The following UGT1A5 variants were observed in gnomAD, a reference collection of about 807,000 sequenced individuals.
UGT1A5 encodes the protein UDP-glucuronosyltransferase 1A5.
A neutral mutation model predicts 40.3 loss-of-function variants in UGT1A5; 29 were observed. The ratio of observed to expected loss-of-function variants is 0.72; its 90% CI spans 0.54 to 0.98. The LOEUF (loss-of-function observed/expected upper bound fraction) is 0.98. Ranked by LOEUF, UGT1A5 falls within the 50% of genes least tolerant of loss-of-function variation. The pLI is 0.00. For missense variants in UGT1A5, 678 were observed against 677.9 expected (o/e 1.00, Z 0.00); for synonymous variants, 257 against 262.5 (o/e 0.98, Z 0.20).
chr2:233,719,356 A>C, intron 1 of UGT1A5: 1 of 1,613,848 alleles, frequency 6.2e-7, no homozygotes, highest in Non-Finnish European at 8.5e-7. Context: ...ATTCCATGTG[A>C]CTTAGACTTT....
chr2:233,714,820 C>T (rs543886758), intron 1 of UGT1A5, among the ~76,000 whole-genome samples: 1 of 152,254 alleles, frequency 6.6e-6, no homozygotes, highest in Admixed American at 6.5e-5. Context: ...TAGTTAGTGA[C>T]AACAATATGG....
In UGT1A5 at chr2:233,713,741, C is replaced by T. The variant is rs1224513754; in HGVS notation, c.750C>T (p.Ser250=). The T allele has an allele frequency of 9.9e-6, 16 of 1,613,814 alleles. No homozygotes were observed. The highest frequency in any genetic ancestry group is 1.3e-5 in the African/African-American group (1 of 74,882). Residue 250 remains serine, a synonymous_variant, in exon 1 of 5, where the codon AGC becomes AGT. Transcript: ENST00000373414. Reference sequence around the variant, plus strand: ...AGGTGTCAGTGGTGGATCTTGTCAGCCATGCATCTGTGTGGCTGTTCCGAG... The same window carrying T: ...AGGTGTCAGTGGTGGATCTTGTCAGTCATGCATCTGTGTGGCTGTTCCGAG... ...QREVSVVDLV[S]HASVWLFRGD...
intron 1 of UGT1A5, among the ~76,000 whole-genome samples, chr2:233,739,818 A>T (rs1185619139): frequency 6.6e-6 from 1 of 151,978 alleles, no homozygotes; most frequent in Non-Finnish European, 1.5e-5. Context: ...ATTGGTTTTT[A>T]AATGTGAAAA....
At chr2:233,764,092 C>T (rs973147823) in intron 1 of UGT1A5, among the ~76,000 whole-genome samples, 2 of 152,148 alleles carry the variant, frequency 1.3e-5, no homozygotes, top group African/African-American at 4.8e-5. Context: ...AAAGCCTAAA[C>T]TAAAAATACA....
intron 1 of UGT1A5, among the ~76,000 whole-genome samples, chr2:233,738,050 G>C (rs1314850811): frequency 6.6e-6 from 1 of 152,082 alleles, no homozygotes; most frequent in Non-Finnish European, 1.5e-5. Flanking sequence ...TTGAGGACAG[G>C]ACATGGTGGG....
intron 1 of UGT1A5, among the ~76,000 whole-genome samples, chr2:233,724,038 C>T (rs2077157253): frequency 1.1e-5 from 1 of 87,686 alleles, no homozygotes. Flanking sequence ...TCTCAATGAG[C>T]TGTTGGGCAC....
chr2:233,718,006 C>A (rs2076621549), intron 1 of UGT1A5: 2 of 407,730 alleles, frequency 4.9e-6, no homozygotes. Flanking sequence ...AGATCTGAGG[C>A]CAGGCTCCAG....
chr2:233,719,157 A>C (rs757422133), intron 1 of UGT1A5: 2 of 1,614,264 alleles, frequency 1.2e-6, no homozygotes, highest in Non-Finnish European at 1.7e-6. Context: ...ATATTCTAGA[A>C]GTATGGCAAT....
chr2:233,755,067 T>G, intron 1 of UGT1A5: 1 of 1,335,754 alleles, frequency 7.5e-7, no homozygotes, highest in Non-Finnish European at 1.0e-6. Context: ...CGCCTCGCCA[T>G]AGCGGTCATA....
intron 1 of UGT1A5, among the ~76,000 whole-genome samples, chr2:233,714,517 G>T (rs935645959): frequency 6.6e-6 from 1 of 152,118 alleles, no homozygotes; most frequent in Non-Finnish European, 1.5e-5. Context: ...TTCTTACTAG[G>T]TTAACTTCAT....
intron 1 of UGT1A5, among the ~76,000 whole-genome samples, chr2:233,745,359 T>C (rs1693087211): frequency 6.6e-6 from 1 of 151,886 alleles, no homozygotes; most frequent in Admixed American, 6.5e-5. Flanking sequence ...GGGAATTTTT[T>C]TGAGATCTGA....
At chr2:233,753,194 GC>G (rs1375850984) in intron 1 of UGT1A5, 1 of 152,080 alleles carries the variant, frequency 6.6e-6, no homozygotes, top group Admixed American at 6.5e-5. Flanking sequence ...TTTTTCAAAA[GC>G]CCTGACAGTC....
intron 1 of UGT1A5, chr2:233,719,556 G>A (rs1189539975): frequency 1.2e-6 from 2 of 1,613,900 alleles, no homozygotes; most frequent in South Asian, 2.2e-5. Flanking sequence ...GGTGTCAGTG[G>A]TGGATCTTGT....
chr2:233,758,018 G>A (rs1394383071), intron 1 of UGT1A5, among the ~76,000 whole-genome samples: 1 of 152,092 alleles, frequency 6.6e-6, no homozygotes, highest in African/African-American at 2.4e-5. Context: ...GTTTGTCTCT[G>A]TCTACCTGAC....
chr2:233,749,850 T>C (rs1468602836), intron 1 of UGT1A5, among the ~76,000 whole-genome samples: 1 of 151,948 alleles, frequency 6.6e-6, no homozygotes. Flanking sequence ...TCTTTGCCTC[T>C]CTCTCACTTT....
At chr2:233,729,199 T>G (rs767614546) in intron 1 of UGT1A5, 1 of 1,614,000 alleles carries the variant, frequency 6.2e-7, no homozygotes, top group Non-Finnish European at 8.5e-7. Context: ...TGTCCAGCCC[T>G]GGGCTGAGAG....
intron 1 of UGT1A5, among the ~76,000 whole-genome samples, chr2:233,716,742 A>T (rs2076523181): frequency 6.6e-6 from 1 of 152,156 alleles, no homozygotes; most frequent in Non-Finnish European, 1.5e-5. Context: ...GCTCTGTGAG[A>T]TTGGGAGAGG....
rs754549295 is a variant in UGT1A5, at chr2:233,768,434, C to A, written c.1302C>A (p.Asp434Glu). 1 of 1,613,634 alleles carries A rather than the reference C, an allele frequency of 6.2e-7. No individual in the cohort carries two copies. Among genetic ancestry groups the A allele is most frequent in the Non-Finnish European group, 8.5e-7 (1 of 1,179,838 alleles). Residue 434 changes from aspartate (D) to glutamate (E), a missense_variant, in exon 4 of 5, where the codon GAC becomes GAA. Coordinates refer to ENST00000373414, the MANE Select transcript of UGT1A5 (RefSeq NM_019078.2). ...LENALKAVIN[D>E]KSYKENIMRL... The stretch of plus-strand genomic sequence containing the variant: ...ATGCTCTAAAAGCAGTCATCAATGA[C>A]AAAAGGTAAGAAAGAAGATACAGAA...
At chr2:233,731,107 A>G (rs1222432137) in intron 1 of UGT1A5, among the ~76,000 whole-genome samples, 2 of 151,962 alleles carry the variant, frequency 1.3e-5, no homozygotes, top group Admixed American at 6.6e-5. Flanking sequence ...CTTTTTTATA[A>G]ATGTAGGTAT....
Sources: gnomAD v4.1 joint callset for allele counts (sites outside exome capture counted in the v4.1 genomes callset) on GRCh38, gnomAD v4.1.1 for gene constraint, MANE v1.5 for transcripts, NCBI Gene and HGNC (gene_info 2026-07-23, HGNC 2026-07-21) for gene names.